Variants in RBFOX1 observed in about 807,000 individuals in gnomAD.
RBFOX1 encodes the protein RNA binding protein fox-1 homolog 1.
RBFOX1 carries 8 observed loss-of-function variants against 57.7 expected under a neutral mutation model. The ratio of observed to expected loss-of-function variants is 0.14; its 90% confidence interval spans 0.08 to 0.25. The LOEUF (loss-of-function observed/expected upper bound fraction) is 0.25, where lower values mean the gene tolerates loss of function less well. Among genes scored for constraint, RBFOX1 ranks in the 10% least tolerant of loss-of-function variants. The pLI is 1.00. For synonymous variants in RBFOX1, 326 were observed against 222.4 expected, an observed-to-expected ratio of 1.47 and a Z score of -4.15; for missense variants, 611 against 548.5, an observed-to-expected ratio of 1.11 and a Z score of -1.14.
At chr16:5,999,622 G>A (rs892733606) in intron 4 of RBFOX1, among the ~76,000 whole-genome samples, 13 of 152,202 alleles carry the variant, frequency 8.5e-5, no homozygotes, top group Admixed American at 5.2e-4. Context: ...GGCACTTTGG[G>A]AGGCTGAGGT....
chr16:7,107,330 C>T (rs2063791323), intron 4 of RBFOX1, among the ~76,000 whole-genome samples: 1 of 152,064 alleles, frequency 6.6e-6, no homozygotes, highest in African/African-American at 2.4e-5. Context: ...TAGATATTCT[C>T]ATCTAATGCA....
At chr16:7,109,491 G>A (rs751158003) in intron 4 of RBFOX1, among the ~76,000 whole-genome samples, 1 of 152,044 alleles carries the variant, frequency 6.6e-6, no homozygotes, top group Non-Finnish European at 1.5e-5. Flanking sequence ...TGCACCTTTG[G>A]GCCCTTGTGA....
chr16:5,339,071 C>T (rs1240415945), intron 1 of RBFOX1, among the ~76,000 whole-genome samples: 1 of 151,888 alleles, frequency 6.6e-6, no homozygotes, highest in East Asian at 1.9e-4. Flanking sequence ...ATCTTATTAA[C>T]TACAGTTACC....
At chr16:7,413,799 C>T (rs556267744) in intron 4 of RBFOX1, among the ~76,000 whole-genome samples, 2 of 152,096 alleles carry the variant, frequency 1.3e-5, no homozygotes, top group South Asian at 4.2e-4. Flanking sequence ...GAGCTGGATC[C>T]CAGGTACCTC....
chr16:7,253,835 T>C (rs573480258), intron 4 of RBFOX1, among the ~76,000 whole-genome samples: 2 of 152,288 alleles, frequency 1.3e-5, no homozygotes, highest in South Asian at 4.1e-4. Flanking sequence ...GAGTCCAAGG[T>C]CTGCACATGA....
intron 11 of RBFOX1, among the ~76,000 whole-genome samples, chr16:7,647,478 C>T (rs968723040): frequency 1.3e-5 from 2 of 152,074 alleles, no homozygotes; most frequent in Non-Finnish European, 2.9e-5. Context: ...CACAAATCAA[C>T]CTGCGTCCTT....
intron 4 of RBFOX1, among the ~76,000 whole-genome samples, chr16:7,438,211 G>C (rs1209248441): frequency 6.6e-6 from 1 of 152,138 alleles, no homozygotes; most frequent in African/African-American, 2.4e-5. Context: ...AGGGTACAGT[G>C]GCTACAGAGA....
At chr16:5,714,488 G>A (rs940518285) in intron 3 of RBFOX1, among the ~76,000 whole-genome samples, 1 of 152,190 alleles carries the variant, frequency 6.6e-6, no homozygotes, top group Non-Finnish European at 1.5e-5. Context: ...ACATGTGAGC[G>A]AGCCCAGGTG....
chr16:7,000,601 T>TC (rs1555741998), intron 3 of RBFOX1, among the ~76,000 whole-genome samples: 1 of 129,002 alleles, frequency 7.8e-6, no homozygotes, highest in Non-Finnish European at 1.6e-5. Context: ...TCTTTCTTTT[T>TC]TTTTTTTTTT....
chr16:5,320,113 G>C (rs1390953063), intron 1 of RBFOX1, among the ~76,000 whole-genome samples: 1 of 152,180 alleles, frequency 6.6e-6, no homozygotes, highest in African/African-American at 2.4e-5. Flanking sequence ...GGTGTGCACA[G>C]GTCCAATAGG....
At chr16:6,970,182 A>G (rs938338241) in intron 3 of RBFOX1, among the ~76,000 whole-genome samples, 1 of 152,160 alleles carries the variant, frequency 6.6e-6, no homozygotes, top group South Asian at 2.1e-4. Context: ...TGGGGGGAAA[A>G]AAATAAAAAA....
chr16:7,012,248 A>G (rs2093687432), intron 3 of RBFOX1, among the ~76,000 whole-genome samples: 1 of 152,190 alleles, frequency 6.6e-6, no homozygotes, highest in African/African-American at 2.4e-5. Context: ...GCAAGATGAA[A>G]GAAATTTTCC....
At chr16:5,451,557 G>A (rs527751232) in intron 1 of RBFOX1, among the ~76,000 whole-genome samples, 4 of 152,294 alleles carry the variant, frequency 2.6e-5, no homozygotes, top group African/African-American at 7.2e-5. Flanking sequence ...TCCACTTGTC[G>A]GGAAGGTGCT....
intron 3 of RBFOX1, among the ~76,000 whole-genome samples, chr16:6,884,859 C>G (rs1049479327): frequency 2.0e-5 from 3 of 152,204 alleles, no homozygotes; most frequent in African/African-American, 7.2e-5. Flanking sequence ...GAGTGCTCCA[C>G]TGCACTCCAG....
At chr16:5,578,371 G>A (rs1372033730) in intron 2 of RBFOX1, among the ~76,000 whole-genome samples, 2 of 152,142 alleles carry the variant, frequency 1.3e-5, no homozygotes, top group East Asian at 3.9e-4. Context: ...GTATGTAAAA[G>A]GAAGGAAGGG....
chr16:5,967,127 G>T (rs541257076), intron 4 of RBFOX1, among the ~76,000 whole-genome samples: 10 of 151,878 alleles, frequency 6.6e-5, no homozygotes, highest in Non-Finnish European at 1.3e-4. Context: ...AGCAGAGTTG[G>T]GTAGTTGCAA....
At chr16:7,463,423 G>A (rs1758979942) in intron 4 of RBFOX1, among the ~76,000 whole-genome samples, 1 of 152,186 alleles carries the variant, frequency 6.6e-6, no homozygotes, top group Non-Finnish European at 1.5e-5. Context: ...ATAATCACTT[G>A]AACCCGGGAC....
At chr16:6,571,004 T>G (rs1436351120) in intron 2 of RBFOX1, among the ~76,000 whole-genome samples, 1 of 152,108 alleles carries the variant, frequency 6.6e-6, no homozygotes, top group African/African-American at 2.4e-5. Context: ...AAATATAGAC[T>G]CCTGTGGAAC....
At chr16:7,313,307 G>C (rs4786997) in intron 4 of RBFOX1, among the ~76,000 whole-genome samples, 115,555 of 152,026 alleles carry the variant, frequency 0.76, 44,038 homozygotes, top group East Asian at 0.94. Context: ...GGTTTGCAAT[G>C]AGCAGTTAAC....
Sources: gnomAD v4.1 joint callset for allele counts (sites outside exome capture counted in the v4.1 genomes callset) on GRCh38, gnomAD v4.1.1 for gene constraint, MANE v1.5 for transcripts, NCBI Gene and HGNC (gene_info 2026-07-23, HGNC 2026-07-21) for gene names.